IPO8: variants seen among roughly 807,000 people sequenced by gnomAD.
IPO8 encodes importin 8.
In IPO8, 65 loss-of-function variants were observed where a neutral mutation model predicts 141.2. The observed-to-expected ratio is 0.46, with a 90% CI of 0.38 to 0.57. The LOEUF is 0.57. Ranked by LOEUF, IPO8 falls within the 20% of genes least tolerant of loss-of-function variation. The pLI, the probability that IPO8 is intolerant of heterozygous loss-of-function variation, is 0.00. For missense variants in IPO8, 980 were observed against 1,246.8 expected, an observed-to-expected ratio of 0.79 and a Z score of 3.22; for synonymous variants, 411 against 420.3, an observed-to-expected ratio of 0.98 and a Z score of 0.27.
Position 30,695,838 on chromosome 12 carries a change from C to T in IPO8, c.-191G>A. On this transcript the variant is annotated 5_prime_UTR_variant, in exon 1 of 25. Coordinates refer to ENST00000256079, the MANE Select transcript of IPO8 (RefSeq NM_006390.4). This position sits in a 1 kb window ranked among gnomAD's most constrained non-coding sequence, Gnocchi z 4.2. ...GCGCCCCCTGTCCTCCCTTTTTCCCCCCCACAACTCGCTCTCCATTCACCG... is the reference window on the plus strand; with the variant it reads ...GCGCCCCCTGTCCTCCCTTTTTCCCTCCCACAACTCGCTCTCCATTCACCG... The T allele has an allele frequency of 3.7e-6, 2 of 534,680 alleles. No homozygotes were observed. The highest frequency in any genetic ancestry group is 2.3e-5 in the South Asian group (1 of 43,692). The allele number at this position is 534,680 out of a possible 1,614,324, so 33.1% of individuals were successfully genotyped here.
At chr12:30,684,859 C>T (rs1369526849) in intron 2 of IPO8, among the ~76,000 whole-genome samples, 1 of 152,100 alleles carries the variant, frequency 6.6e-6, no homozygotes, top group Non-Finnish European at 1.5e-5. Flanking sequence ...CTGTCAAACA[C>T]TAGCATTTTG....
At chr12:30,647,416 G>A (rs762003184) in intron 20 of IPO8, among the ~76,000 whole-genome samples, 32 of 151,406 alleles carry the variant, frequency 2.1e-4, no homozygotes, top group East Asian at 3.9e-4. Flanking sequence ...ATATGACAAC[G>A]GCTGGGTACA....
intron 6 of IPO8, among the ~76,000 whole-genome samples, chr12:30,675,949 TCAATA>T (rs1445465498): frequency 7.2e-5 from 11 of 152,252 alleles, no homozygotes; most frequent in Admixed American, 3.3e-4. Flanking sequence ...CAAAATATTA[TCAATA>T]CGTTTTTTTT....
intron 11 of IPO8, 90 bp downstream of exon 11, chr12:30,666,085 C>T: frequency 1.1e-6 from 1 of 871,058 alleles, no homozygotes; most frequent in South Asian, 1.9e-5. Context: ...CGAATAACAA[C>T]ATAATTTCTC....
intron 20 of IPO8, among the ~76,000 whole-genome samples, chr12:30,644,766 A>T (rs1325873452): frequency 6.7e-6 from 1 of 150,330 alleles, no homozygotes; most frequent in Admixed American, 6.7e-5. Flanking sequence ...GATTCTCCTG[A>T]CTCAGCCTCC....
intron 23 of IPO8, among the ~76,000 whole-genome samples, chr12:30,633,366 T>C (rs1208749136): frequency 6.6e-6 from 1 of 152,204 alleles, no homozygotes; most frequent in Non-Finnish European, 1.5e-5. Context: ...GGAAATACTA[T>C]CTAACCATAA....
chr12:30,675,274 C>T (rs909956456), intron 6 of IPO8, among the ~76,000 whole-genome samples: 3 of 152,204 alleles, frequency 2.0e-5, no homozygotes, highest in Non-Finnish European at 2.9e-5. Context: ...AAATGAAACA[C>T]ATCTTTTCCC....
chr12:30,671,115 T>C lies in IPO8; in HGVS notation c.910-19A>G. On this transcript the variant is annotated intron_variant, in intron 8 of 24. Transcript: ENST00000256079. ...GTAGCACCTATAAGAAAACAGAAAA[T>C]ACAGACTAACATAAACAATTATAAG... The C allele has an allele frequency of 6.6e-7, 1 of 1,519,892 alleles. No individual in the cohort carries two copies. The highest frequency in any genetic ancestry group is 9.1e-7 in the Non-Finnish European group (1 of 1,097,544). 94.2% of individuals were successfully genotyped at this position (1,519,892 alleles called of 1,614,324 possible).
chr12:30,685,900 C>CAAAAAAAAAAA (rs397849869), intron 2 of IPO8, among the ~76,000 whole-genome samples: 1 of 88,016 alleles, frequency 1.1e-5, no homozygotes, highest in Non-Finnish European at 2.4e-5. Context: ...AAGACTCTGT[C>CAAAAAAAAAAA]AAAAAAAAAA....
intron 17 of IPO8, among the ~76,000 whole-genome samples, 176 bp downstream of exon 17, chr12:30,656,508 C>T (rs2052802842): frequency 6.6e-6 from 1 of 152,106 alleles, no homozygotes; most frequent in African/African-American, 2.4e-5. Flanking sequence ...AATTTTTTAT[C>T]TCTGAATGAA....
At chr12:30,646,498 G>T (rs2052648166) in intron 20 of IPO8, among the ~76,000 whole-genome samples, 1 of 152,116 alleles carries the variant, frequency 6.6e-6, no homozygotes, top group Admixed American at 6.5e-5. Context: ...CTTCTAGCCA[G>T]GGCAATTAGT....
At chr12:30,632,163 G>A (rs1234147349) in intron 23 of IPO8, 152 bp from the exon 24 acceptor site, 17 of 577,310 alleles carry the variant, frequency 2.9e-5, no homozygotes, top group Non-Finnish European at 4.3e-5. Flanking sequence ...TGAAACTTAC[G>A]CCAACAAAGG....
At chr12:30,642,477 TA>T (rs1053179036) in intron 20 of IPO8, among the ~76,000 whole-genome samples, 1 of 151,910 alleles carries the variant, frequency 6.6e-6, no homozygotes, top group Non-Finnish European at 1.5e-5. Flanking sequence ...TTTTATTGAC[TA>T]AAAAAAGCCA....
At chr12:30,692,914 A>T (rs1284174661) in intron 1 of IPO8, among the ~76,000 whole-genome samples, 1 of 152,220 alleles carries the variant, frequency 6.6e-6, no homozygotes, top group Non-Finnish European at 1.5e-5. Flanking sequence ...ACCTGAAATT[A>T]TATTAGTTAC....
At position 30,666,205 on chromosome 12, in the gene IPO8, G is replaced by C; in HGVS notation, c.1191C>G (p.Leu397=). 1 of 1,595,354 alleles carries C rather than the reference G, an allele frequency of 6.3e-7. No individual in the cohort carries two copies. The highest frequency in any genetic ancestry group is 8.5e-7 in the Non-Finnish European group (1 of 1,171,680). The change falls in exon 11 of 25, where the codon CTC becomes CTG. Residue 397 remains leucine, a synonymous_variant. Coordinates refer to ENST00000256079, the MANE Select transcript of IPO8 (RefSeq NM_006390.4). ...TTCTTTTCTTTGCAGCAGTATATAA[G>C]AGAGTCTGGGCTGCTGTGGTGGGAG... ...YASPTTAAQT[L]LYTAAKKRKE... is the part of the protein sequence containing the mutation.
rs753957352 is a variant in IPO8, at chr12:30,661,203, T to C, written c.1819A>G (p.Met607Val). 1 of 1,596,038 alleles carries C rather than the reference T, an allele frequency of 6.3e-7. No individual in the cohort carries two copies. The highest frequency in any genetic ancestry group is 8.5e-7 in the Non-Finnish European group (1 of 1,171,130). The change falls in exon 16 of 25, where the codon ATG becomes GTG. Residue 607 changes from methionine to valine, a missense_variant. Met to Val is a conservative substitution (Grantham distance 21). This residue lies in a region of IPO8 where 924 missense variants were observed against 1,153.9 expected (regional missense o/e 0.80). Coordinates refer to ENST00000256079, the MANE Select transcript of IPO8 (RefSeq NM_006390.4). ...EYEEVEDKTV[M>V]AMGILHTIDT... ...ATGGTATGTAAAATTCCCATAGCCA[T>C]TACTGTTTTGTCTTCAACTTCTTCA...
At chr12:30,642,252 A>G (rs1408658727) in intron 20 of IPO8, among the ~76,000 whole-genome samples, 2 of 152,142 alleles carry the variant, frequency 1.3e-5, no homozygotes, top group African/African-American at 4.8e-5. Context: ...AGAGACATAA[A>G]GATGGAAATA....
chr12:30,674,635 T>C (rs1389909350), intron 7 of IPO8, 24 bp downstream of exon 7: 1 of 1,494,934 alleles, frequency 6.7e-7, no homozygotes, highest in Non-Finnish European at 9.3e-7. Context: ...TGTATGATCA[T>C]CAATGTAATA....
At position 30,676,526 on chromosome 12, in the gene IPO8, C is replaced by T. The variant is rs754996257; in HGVS notation, c.701G>A (p.Arg234Gln). The change falls in exon 6 of 25, where the codon CGA (arginine) becomes CAA (glutamine). Residue 234 changes from arginine to glutamine, a missense_variant. Physicochemically the swap from Arg to Gln is conservative, Grantham distance 43 (BLOSUM62 1). Coordinates refer to ENST00000256079, the MANE Select transcript of IPO8 (RefSeq NM_006390.4). Reference sequence around the variant, plus strand: ...AGGAACGGTCCTGTCGATAATAGTTCGGAAGATCTCCATCCATGTTGTCAT... The same window carrying T: ...AGGAACGGTCCTGTCGATAATAGTTTGGAAGATCTCCATCCATGTTGTCAT... The part of the protein sequence containing the change: ...QTMTTWMEIF[R>Q]TIIDRTVPPE... 12 of 1,613,212 alleles carry T rather than the reference C, an allele frequency of 7.4e-6. No homozygotes were observed. Among genetic ancestry groups the T allele is most frequent in the Middle Eastern group, 1.6e-4 (1 of 6,080 alleles).
Sources: allele counts gnomAD v4.1 joint callset (sites outside exome capture counted in the v4.1 genomes callset), GRCh38; gene constraint gnomAD v4.1.1; regional missense constraint gnomAD v4.1.1; non-coding constraint Gnocchi (gnomAD v3.1); transcripts MANE v1.5; gene names NCBI Gene and HGNC (gene_info 2026-07-23, HGNC 2026-07-21).